Variants in TRPC1 observed in about 807,000 individuals in gnomAD.
The protein encoded by TRPC1 is short transient receptor potential channel 1.
Under a neutral mutation model 88.2 loss-of-function variants are expected in TRPC1, and 42 were observed. The observed-to-expected ratio is 0.48, with a 90% CI of 0.37 to 0.62. The LOEUF (loss-of-function observed/expected upper bound fraction) is 0.62. TRPC1 is among the 20% of genes least tolerant of loss of function. TRPC1 has a pLI of 0.00. For missense variants in TRPC1, 699 were observed against 957.3 expected (o/e 0.73, Z 3.56); for synonymous variants, 288 against 331.8 (o/e 0.87, Z 1.43).
At chr3:142,778,528 C>T (rs771710789) in intron 5 of TRPC1, among the ~76,000 whole-genome samples, 14 of 152,012 alleles carry the variant, frequency 9.2e-5, no homozygotes, top group Non-Finnish European at 1.8e-4. Context: ...TGAGAGAAAG[C>T]GTTGAGATTT....
At chr3:142,778,563 T>A (rs1935859939) in intron 5 of TRPC1, among the ~76,000 whole-genome samples, 1 of 152,206 alleles carries the variant, frequency 6.6e-6, no homozygotes, top group Non-Finnish European at 1.5e-5. Flanking sequence ...GTATCCCTGT[T>A]GCCCTCTAAA....
chr3:142,788,469 T>G (rs1936198583), intron 7 of TRPC1, among the ~76,000 whole-genome samples: 1 of 152,104 alleles, frequency 6.6e-6, no homozygotes. Flanking sequence ...GATTTGTGTG[T>G]TGAGGGGTAG....
At chr3:142,763,979 T>C (rs1402916858) in intron 4 of TRPC1, among the ~76,000 whole-genome samples, 2 of 68,746 alleles carry the variant, frequency 2.9e-5, no homozygotes, top group African/African-American at 2.7e-4. Context: ...TATATATATA[T>C]ATATACACAT....
intron 5 of TRPC1, among the ~76,000 whole-genome samples, chr3:142,780,038 A>G (rs981173787): frequency 6.6e-6 from 1 of 151,958 alleles, no homozygotes; most frequent in African/African-American, 2.4e-5. Context: ...TAGTAGAGAC[A>G]GGGTTTTGCC....
intron 7 of TRPC1, among the ~76,000 whole-genome samples, chr3:142,785,529 T>A (rs1447811757): frequency 6.6e-6 from 1 of 152,166 alleles, no homozygotes; most frequent in East Asian, 1.9e-4. Context: ...TGAGACAGAG[T>A]CTCGCTCTGT....
At chr3:142,783,977 A>C (rs1374603164) in intron 6 of TRPC1, among the ~76,000 whole-genome samples, 1 of 152,172 alleles carries the variant, frequency 6.6e-6, no homozygotes, top group Non-Finnish European at 1.5e-5. Flanking sequence ...TCTGTACCTG[A>C]ACTAAAATTT....
chr3:142,801,724 T>C (rs1183172463), intron 9 of TRPC1, among the ~76,000 whole-genome samples: 1 of 152,170 alleles, frequency 6.6e-6, no homozygotes, highest in East Asian at 1.9e-4. Flanking sequence ...GGAATTGGTT[T>C]AGAATTGGTT....
intron 4 of TRPC1, among the ~76,000 whole-genome samples, chr3:142,770,166 T>C (rs1456493602): frequency 6.6e-6 from 1 of 150,578 alleles, no homozygotes; most frequent in East Asian, 2.0e-4. Context: ...GGTGCAATCT[T>C]GGCTACTGTA....
intron 12 of TRPC1, among the ~76,000 whole-genome samples, chr3:142,805,144 A>G (rs1560123198): frequency 1.3e-5 from 2 of 151,176 alleles, no homozygotes; most frequent in Admixed American, 6.6e-5. Context: ...ACACACACAC[A>G]CACACACACA....
chr3:142,768,238 G>A (rs1198567360), intron 4 of TRPC1, among the ~76,000 whole-genome samples: 2 of 151,886 alleles, frequency 1.3e-5, no homozygotes, highest in Non-Finnish European at 2.9e-5. Context: ...ATTACATATC[G>A]CTACTGGTTT....
At chr3:142,769,887 C>T (rs565206197) in intron 4 of TRPC1, among the ~76,000 whole-genome samples, 3 of 151,994 alleles carry the variant, frequency 2.0e-5, no homozygotes, top group African/African-American at 4.8e-5. Context: ...ATGTCTGTTA[C>T]GTCTAGTTCA....
chr3:142,794,817 C>G (rs563931497), intron 9 of TRPC1, among the ~76,000 whole-genome samples: 39 of 152,208 alleles, frequency 2.6e-4, no homozygotes, highest in South Asian at 6.2e-4. Context: ...ACACACTGCT[C>G]TAGTTTCAAC....
chr3:142,807,855 A>T lies in TRPC1; in HGVS notation c.*1620A>T, dbSNP rs1054940606. 1 of 152,158 alleles carries T rather than the reference A, an allele frequency of 6.6e-6. No individual in the cohort carries two copies. Among genetic ancestry groups the T allele is most frequent in the Non-Finnish European group, 1.5e-5 (1 of 68,024 alleles). 9.4% of individuals were successfully genotyped at this position (152,158 alleles called of 1,614,324 possible). On this transcript the variant is annotated 3_prime_UTR_variant, in exon 13 of 13. Transcript: ENST00000476941. ...GAATGACAGCATATTGTAAGAAAAA[A>T]AAAGGTGAATAAAATTTGACATTAG...
chr3:142,771,029 T>C (rs892528178), intron 4 of TRPC1, among the ~76,000 whole-genome samples: 8 of 151,996 alleles, frequency 5.3e-5, no homozygotes, highest in African/African-American at 1.9e-4. Context: ...AGAGAGAAGG[T>C]GGTGCCAGGT....
At chr3:142,777,466 ATTTG>A (rs1038409356) in intron 4 of TRPC1, among the ~76,000 whole-genome samples, 162 bp from the exon 5 acceptor site, 6 of 152,142 alleles carry the variant, frequency 3.9e-5, no homozygotes, top group African/African-American at 1.4e-4. Context: ...ATCTCAAAAT[ATTTG>A]TTTTAAGTCT....
chr3:142,778,661 A>G (rs1577990214), intron 5 of TRPC1, among the ~76,000 whole-genome samples: 2 of 152,178 alleles, frequency 1.3e-5, no homozygotes, highest in South Asian at 2.1e-4. Flanking sequence ...TTTCTTTCCT[A>G]TACGGCTGCT....
chr3:142,727,045 C>T (rs932042700), intron 1 of TRPC1, among the ~76,000 whole-genome samples: 1 of 152,152 alleles, frequency 6.6e-6, no homozygotes, highest in Non-Finnish European at 1.5e-5. Context: ...CTAACCACTA[C>T]GTTATATAGA....
intron 4 of TRPC1, among the ~76,000 whole-genome samples, chr3:142,765,130 T>C (rs1935337100): frequency 6.6e-6 from 1 of 151,970 alleles, no homozygotes; most frequent in Admixed American, 6.6e-5. Flanking sequence ...AAAAAAAATC[T>C]CTACAATGAG....
chr3:142,783,897 A>G (rs1189090677), intron 6 of TRPC1, among the ~76,000 whole-genome samples: 1 of 152,174 alleles, frequency 6.6e-6, no homozygotes, highest in Non-Finnish European at 1.5e-5. Context: ...CAACATGAGC[A>G]TTATATTGGA....
Sources: gnomAD v4.1 joint callset for allele counts (sites outside exome capture counted in the v4.1 genomes callset) on GRCh38, gnomAD v4.1.1 for gene constraint, MANE v1.5 for transcripts, NCBI Gene and HGNC (gene_info 2026-07-23, HGNC 2026-07-21) for gene names.